Variants in SCN3A observed in about 807,000 individuals in gnomAD.
The protein encoded by SCN3A is sodium channel protein type 3 subunit alpha.
Under a neutral mutation model 187.6 loss-of-function variants are expected in SCN3A, and 60 were observed. That is an observed-to-expected ratio of 0.32 (90% CI 0.26 to 0.40). The LOEUF (loss-of-function observed/expected upper bound fraction) is 0.40. Among genes scored for constraint, SCN3A ranks in the 10% least tolerant of loss-of-function variants. The probability of loss-of-function intolerance (pLI) is 1.00; values close to 1 mark genes in which losing one functional copy is unlikely to be tolerated. For missense variants in SCN3A, 1,601 were observed against 2,428.2 expected, an observed-to-expected ratio of 0.66 and a Z score of 7.16; for synonymous variants, 788 against 829.2, an observed-to-expected ratio of 0.95 and a Z score of 0.85.
chr2:165,142,853 C>G (rs1688094700), intron 12 of SCN3A, among the ~76,000 whole-genome samples: 1 of 151,962 alleles, frequency 6.6e-6, no homozygotes, highest in Non-Finnish European at 1.5e-5. Flanking sequence ...CAAGTTCAAG[C>G]TATTCTCCTG....
intron 5 of SCN3A, among the ~76,000 whole-genome samples, chr2:165,165,376 C>T (rs940398127): frequency 1.3e-5 from 2 of 151,950 alleles, no homozygotes; most frequent in African/African-American, 4.8e-5. Context: ...CCAAAATACA[C>T]GGATACACAA....
At chr2:165,137,089 G>T (rs1687711181) in intron 15 of SCN3A, among the ~76,000 whole-genome samples, 3 of 152,126 alleles carry the variant, frequency 2.0e-5, no homozygotes, top group Admixed American at 2.0e-4. Flanking sequence ...GTGAGCTCTT[G>T]CTGAACATTT....
intron 22 of SCN3A, 57 bp from the exon 23 acceptor site, chr2:165,097,581 C>T: frequency 6.4e-7 from 1 of 1,574,436 alleles, no homozygotes; most frequent in Non-Finnish European, 8.7e-7. Flanking sequence ...GAAACCATTC[C>T]TTCAATGTAT....
chr2:165,099,771 T>TTAA (rs1429766816), intron 22 of SCN3A, among the ~76,000 whole-genome samples: 4 of 152,274 alleles, frequency 2.6e-5, no homozygotes, highest in Admixed American at 6.5e-5. Context: ...CCTGAAATGC[T>TTAA]TAATTACCTT....
chr2:165,170,279 T>C (rs1479062140), intron 4 of SCN3A, 151 bp downstream of exon 4: 1 of 614,448 alleles, frequency 1.6e-6, no homozygotes, highest in Admixed American at 2.7e-5. Context: ...TCATTATAAA[T>C]AGTGGAAAAC....
In SCN3A at chr2:165,140,531, A is replaced by G; in HGVS notation, c.2019+120T>C. On this transcript the variant is annotated intron_variant, in intron 13 of 27. Coordinates refer to ENST00000283254, the MANE Select transcript of SCN3A (RefSeq NM_006922.4). The surrounding 1 kb of genome is among the most constrained non-coding windows in gnomAD (Gnocchi z 4.2). ...TTGTTTTCCCTTTGATTAATCATGTATTATTTTTACCAACTTTCATTTTGA... is the reference window on the plus strand; with the variant it reads ...TTGTTTTCCCTTTGATTAATCATGTGTTATTTTTACCAACTTTCATTTTGA... 2 of 813,608 alleles carry G rather than the reference A, an allele frequency of 2.5e-6. No homozygotes were observed. The allele number at this position is 813,608 out of a possible 1,614,324, so 50.4% of individuals were successfully genotyped here.
intron 2 of SCN3A, among the ~76,000 whole-genome samples, chr2:165,181,760 A>C (rs1690890763): frequency 6.6e-6 from 1 of 152,176 alleles, no homozygotes; most frequent in African/African-American, 2.4e-5. Context: ...AAAAAAGAAA[A>C]GTGGCTTATT....
chr2:165,163,240 A>G (rs552160708), intron 7 of SCN3A, among the ~76,000 whole-genome samples: 1 of 152,184 alleles, frequency 6.6e-6, no homozygotes, highest in Admixed American at 6.5e-5. Context: ...CTCATGCCAT[A>G]TACATGCTCT....
intron 15 of SCN3A, 115 bp from the exon 16 acceptor site, chr2:165,131,532 A>C: frequency 1.4e-5 from 8 of 554,384 alleles, no homozygotes; most frequent in East Asian, 7.0e-5. Flanking sequence ...AAGTGAGAGA[A>C]TGTGACAAAT....
At chr2:165,141,262 G>T (rs1183814489) in intron 12 of SCN3A, among the ~76,000 whole-genome samples, 1 of 152,156 alleles carries the variant, frequency 6.6e-6, no homozygotes, top group African/African-American at 2.4e-5. Context: ...CTTCACTTTA[G>T]GTGGATTGGG....
At chr2:165,124,571 A>G (rs905371630) in intron 18 of SCN3A, among the ~76,000 whole-genome samples, 15 of 152,138 alleles carry the variant, frequency 9.9e-5, no homozygotes, top group African/African-American at 3.6e-4. Flanking sequence ...TAAAATCTGC[A>G]TTATCAAACA....
chr2:165,100,859 T>C (rs1303430638), intron 21 of SCN3A, among the ~76,000 whole-genome samples: 1 of 152,244 alleles, frequency 6.6e-6, no homozygotes, highest in African/African-American at 2.4e-5. Context: ...GTTCACTGAT[T>C]AGATATCTTA....
At chr2:165,165,579 T>C (rs190662722) in intron 5 of SCN3A, among the ~76,000 whole-genome samples, 8 of 152,304 alleles carry the variant, frequency 5.3e-5, no homozygotes, top group African/African-American at 1.7e-4. Flanking sequence ...TTCGTTTTTT[T>C]CCCAAAATAG....
chr2:165,202,598 C>T (rs1692389977), intron 1 of SCN3A, among the ~76,000 whole-genome samples: 2 of 152,012 alleles, frequency 1.3e-5, no homozygotes, highest in Admixed American at 1.3e-4. Context: ...ATTATTGCTA[C>T]TCAATGTAAA....
chr2:165,181,377 A>G (rs370849786), intron 2 of SCN3A, among the ~76,000 whole-genome samples: 2 of 152,238 alleles, frequency 1.3e-5, no homozygotes, highest in African/African-American at 4.8e-5. Context: ...TGTCCTTTGA[A>G]TAAGTCTTTT....
At position 165,104,551 on chromosome 2, in the gene SCN3A, G is replaced by GAA. The variant is rs562278618; in HGVS notation, c.3844-4129_3844-4128dup. On this transcript the variant is annotated intron_variant, in intron 21 of 27. Coordinates refer to ENST00000283254, the MANE Select transcript of SCN3A (RefSeq NM_006922.4). ...AACAAAATTCTCCAACTAAAAAACTGAAAAAAAAAAGCCCGGAATATTTTT... is the reference window on the plus strand; with the variant it reads ...AACAAAATTCTCCAACTAAAAAACTGAAAAAAAAAAAAGCCCGGAATATTTTT... 8.8e-3 allele frequency among the ~76,000 whole-genome samples: 1,200 copies of GAA among 136,848 alleles called. 13 individuals carry two copies. Among genetic ancestry groups the GAA allele is most frequent in the African/African-American group, 0.024 (888 of 37,256 alleles). 89.8% of individuals were successfully genotyped at this position (136,848 alleles called of 152,430 possible). A position where few individuals can be genotyped will look rare whatever the true frequency, so the allele number is the denominator to read the frequency against.
intron 1 of SCN3A, among the ~76,000 whole-genome samples, chr2:165,190,144 T>C (rs1460036163): frequency 6.6e-6 from 1 of 152,162 alleles, no homozygotes; most frequent in African/African-American, 2.4e-5. Flanking sequence ...TTCAGGTCCC[T>C]ATGAAAGAGG....
chr2:165,147,173 G>A (rs1688402377), intron 11 of SCN3A, 144 bp from the exon 12 acceptor site: 4 of 901,838 alleles, frequency 4.4e-6, no homozygotes, highest in Non-Finnish European at 6.7e-6. Flanking sequence ...CACCACAAGA[G>A]TTTACTTAAC....
chr2:165,112,940 C>A lies in SCN3A; in HGVS notation c.3788G>T (p.Gly1263Val). The change falls in exon 21 of 28, where the codon GGA (glycine) becomes GTA (valine). Residue 1263 changes from glycine (G) to valine (V), a missense_variant. Transcript: ENST00000283254. ...GGCATTAGTGAAATATGTTTGAAAT[C>A]CATAAGCAACCCATTTGAGAAGCAT... ...LEMLLKWVAY[G>V]FQTYFTNAWC... 1 of 1,613,544 alleles carries A rather than the reference C, an allele frequency of 6.2e-7. No individual in the cohort carries two copies. The highest frequency in any genetic ancestry group is 2.2e-5 in the East Asian group (1 of 44,788).
Sources: gnomAD v4.1 joint callset for allele counts (sites outside exome capture counted in the v4.1 genomes callset) on GRCh38, gnomAD v4.1.1 for gene constraint, Gnocchi (gnomAD v3.1) non-coding constraint, MANE v1.5 for transcripts, NCBI Gene and HGNC (gene_info 2026-07-23, HGNC 2026-07-21) for gene names.